ZNF177: variants seen among roughly 807,000 people sequenced by gnomAD.
ZNF177 encodes zinc finger protein 177.
A neutral mutation model predicts 19.4 loss-of-function variants in ZNF177; 17 were observed. The ratio of observed to expected loss-of-function variants is 0.87; its 90% CI spans 0.60 to 1.31. ZNF177 has a LOEUF of 1.31. Among genes scored for constraint, ZNF177 ranks in the 40% most tolerant of loss-of-function variants. The pLI is 0.00. For synonymous variants in ZNF177, 220 were observed against 188.7 expected, an observed-to-expected ratio of 1.17 and a Z score of -1.36; for missense variants, 633 against 561.8, an observed-to-expected ratio of 1.13 and a Z score of -1.28.
chr19:9,377,151 A>G (rs368252421), intron 1 of ZNF177, among the ~76,000 whole-genome samples: 310 of 152,296 alleles, frequency 2.0e-3, no homozygotes, highest in South Asian at 0.014. Flanking sequence ...AAAAATTCCA[A>G]TCACCTAATG....
At chr19:9,366,560 A>G (rs930723242) in intron 2 of ZNF177, among the ~76,000 whole-genome samples, 15 of 152,104 alleles carry the variant, frequency 9.9e-5, no homozygotes, top group African/African-American at 3.4e-4. Context: ...CCTGGCCTTC[A>G]TTTTCTATTG....
upstream of ZNF177, among the ~76,000 whole-genome samples, chr19:9,375,482 A>G (rs1313622825): frequency 1.3e-5 from 2 of 151,942 alleles, no homozygotes; most frequent in African/African-American, 4.8e-5. Flanking sequence ...TTGATGGAAG[A>G]TTTTTCCTCA....
In ZNF177 at chr19:9,380,089, A is replaced by G. The variant is rs747227560; in HGVS notation, c.286A>G (p.Ile96Val). 8 of 1,612,150 alleles carry G rather than the reference A, an allele frequency of 5.0e-6. No individual in the cohort carries two copies. The Admixed American group carries it at 5.1e-5, about 10-fold the overall frequency. ...AACTCAACTTAAACCAAAAGATACA[A>G]TTGCTATGCAGAACATTCCTGGGGG... The change falls in exon 5 of 6, where the codon ATT (isoleucine) becomes GTT (valine). Residue 96 changes from isoleucine to valine, a missense_variant. Transcript: ENST00000589262.
rs112188475 is a variant in ZNF177, at chr19:9,376,753, T to C, written c.-54+330T>C. ...TATATTGTATATTAACAAATTATTA[T>C]AACTTTTTAATATTTTTATCTTTTA... On this transcript the variant is annotated intron_variant, in intron 1 of 5. Coordinates refer to ENST00000589262, the Ensembl canonical transcript of ZNF177. 1.2e-3 allele frequency among the ~76,000 whole-genome samples: 188 copies of C among 152,332 alleles called. 2 individuals are homozygous for C. The highest frequency in any genetic ancestry group is 1.6e-3 in the Non-Finnish European group (107 of 68,038).
chr19:9,363,343 T>C (rs1279528277), intron 1 of ZNF177: 3 of 152,392 alleles, frequency 2.0e-5, no homozygotes, highest in African/African-American at 7.2e-5. Flanking sequence ...TTCTCCACTT[T>C]CTGTACCCTT....
intron 1 of ZNF177, among the ~76,000 whole-genome samples, chr19:9,364,386 A>T (rs2067948744): frequency 6.6e-6 from 1 of 152,120 alleles, no homozygotes; most frequent in South Asian, 2.1e-4. Context: ...TTCATTAGAG[A>T]GACTATGGAA....
At chr19:9,381,433 T>C in exon 6 of ZNF177, 1 of 1,611,528 alleles carries the variant, frequency 6.2e-7, no homozygotes. Context: ...AGAGAAACCC[T>C]ATGAATGCAG....
intron 4 of ZNF177, 64 bp from the exon 7 acceptor site, chr19:9,379,993 C>T (rs2068169311): frequency 1.3e-6 from 2 of 1,560,248 alleles, no homozygotes; most frequent in South Asian, 1.2e-5. Flanking sequence ...TAGGGTCTCC[C>T]TCCCTTTTTC....
rs780847633 is a variant in ZNF177 at position 9,380,056 on chromosome 19, G to A, written c.254-1G>A. The A allele has an allele frequency of 6.2e-7, 1 of 1,609,052 alleles. No homozygotes were observed. Among genetic ancestry groups the A allele is most frequent in the Non-Finnish European group, 8.5e-7 (1 of 1,178,902 alleles). On this transcript the variant is annotated splice_acceptor_variant, in intron 4 of 5. Transcript: ENST00000589262. LOFTEE classifies it high-confidence loss of function. ...TTATAAAAATTCCTGTGCTATTTCA[G>A]ACTGGGAAACTCAACTTAAACCAAA...
exon 6 of ZNF177, chr19:9,381,315 T>C (rs1207993034): frequency 6.2e-7 from 1 of 1,613,988 alleles, no homozygotes; most frequent in Non-Finnish European, 8.5e-7. Context: ...CTCATCTGAA[T>C]GTGCACAAAA....
chr19:9,367,903 A>G (rs1312536879), intron 2 of ZNF177, among the ~76,000 whole-genome samples: 1 of 152,198 alleles, frequency 6.6e-6, no homozygotes, highest in Non-Finnish European at 1.5e-5. Flanking sequence ...GCTCTTGCCT[A>G]TAGAGTGGAT....
intron 2 of ZNF177, among the ~76,000 whole-genome samples, chr19:9,366,623 C>T (rs1021965937): frequency 5.9e-5 from 9 of 152,152 alleles, no homozygotes; most frequent in East Asian, 3.8e-4. Flanking sequence ...ATCCGTTCAT[C>T]GGTAGATAGA....
At chr19:9,365,590 C>T (rs950497981) in intron 2 of ZNF177, among the ~76,000 whole-genome samples, 1 of 152,148 alleles carries the variant, frequency 6.6e-6, no homozygotes, top group Non-Finnish European at 1.5e-5. Context: ...CCAAGGCAGG[C>T]ATCCCCACGT....
chr19:9,366,832 T>G (rs2067986961), intron 2 of ZNF177, among the ~76,000 whole-genome samples: 1 of 152,198 alleles, frequency 6.6e-6, no homozygotes, highest in Non-Finnish European at 1.5e-5. Flanking sequence ...ACAAGAGAAT[T>G]TCTCCACATC....
intron 2 of ZNF177, among the ~76,000 whole-genome samples, chr19:9,365,331 G>A (rs767317667): frequency 6.6e-6 from 1 of 151,880 alleles, no homozygotes; most frequent in Non-Finnish European, 1.5e-5. Context: ...AAAAGAGAGA[G>A]TAGAGACATG....
intron 2 of ZNF177, among the ~76,000 whole-genome samples, chr19:9,369,217 T>C (rs2068017594): frequency 6.6e-6 from 1 of 152,150 alleles, no homozygotes; most frequent in East Asian, 1.9e-4. Flanking sequence ...TTTTTTCATA[T>C]GATCTTTCTA....
chr19:9,374,034 C>G (rs1459332269), upstream of ZNF177, among the ~76,000 whole-genome samples: 1 of 152,012 alleles, frequency 6.6e-6, no homozygotes, highest in African/African-American at 2.4e-5. Context: ...GTTTTATGAT[C>G]TCAGGTCTTA....
chr19:9,377,402 C>T (rs2122543343), intron 1 of ZNF177, among the ~76,000 whole-genome samples: 1 of 152,086 alleles, frequency 6.6e-6, no homozygotes, highest in East Asian at 1.9e-4. Context: ...AAAAACAAGC[C>T]TCAAGCAGAT....
At chr19:9,380,534 C>T (rs1347165) in intron 5 of ZNF177, 134 bp from the exon 8 acceptor site, 8 of 1,518,102 alleles carry the variant, frequency 5.3e-6, no homozygotes, top group African/African-American at 1.4e-5. Flanking sequence ...TCATACGCAC[C>T]TACTGAAAAT....
Sources: allele counts gnomAD v4.1 joint callset (sites outside exome capture counted in the v4.1 genomes callset), GRCh38; gene constraint gnomAD v4.1.1; transcripts MANE v1.5; gene names NCBI Gene and HGNC (gene_info 2026-07-23, HGNC 2026-07-21).